Variants in MAP3K20 observed in about 807,000 individuals in gnomAD.
The protein encoded by MAP3K20 is mitogen-activated protein kinase kinase kinase 20, also known as HCCS-4.
MAP3K20 carries 40 observed loss-of-function variants against 85.7 expected under a neutral mutation model. The ratio of observed to expected loss-of-function variants is 0.47; its 90% CI spans 0.36 to 0.61. The LOEUF is 0.61. MAP3K20 is among the 20% of genes least tolerant of loss of function. The pLI is 0.00. For synonymous variants in MAP3K20, 325 were observed against 327.7 expected (o/e 0.99, Z 0.09); for missense variants, 817 against 961.7 (o/e 0.85, Z 1.99).
chr2:173,146,339 A>G lies in MAP3K20; in HGVS notation c.160-23466A>G, dbSNP rs528474893. 6.6e-5 allele frequency among the ~76,000 whole-genome samples: 10 copies of G among 152,280 alleles called. No individual in the cohort carries two copies. The South Asian group carries it at 1.9e-3, about 28-fold the overall frequency. On this transcript the variant is annotated intron_variant, in intron 2 of 19. Coordinates refer to ENST00000375213, the MANE Select transcript of MAP3K20 (RefSeq NM_016653.3). ...CAAATGTGTGTGTTTGTATACATGCATACATGCACATATACAGTGTACATG... is the reference window on the plus strand; with the variant it reads ...CAAATGTGTGTGTTTGTATACATGCGTACATGCACATATACAGTGTACATG...
intron 14 of MAP3K20, among the ~76,000 whole-genome samples, chr2:173,236,109 T>G (rs1684641035): frequency 1.3e-5 from 2 of 151,326 alleles, no homozygotes; most frequent in African/African-American, 4.9e-5. Context: ...CTGCAAAAAA[T>G]GCAAAAATTA....
intron 2 of MAP3K20, among the ~76,000 whole-genome samples, chr2:173,139,741 T>C (rs1688912292): frequency 6.6e-6 from 1 of 152,198 alleles, no homozygotes; most frequent in Admixed American, 6.5e-5. Context: ...CCAATATGGA[T>C]ATAGTTAGTA....
At chr2:173,094,705 A>G (rs749770992) in intron 2 of MAP3K20, among the ~76,000 whole-genome samples, 2 of 152,092 alleles carry the variant, frequency 1.3e-5, no homozygotes, top group Non-Finnish European at 1.5e-5. Context: ...GAGTTTATGT[A>G]GTTTTGGCAG....
At chr2:173,211,573 T>C (rs1192001191) in intron 10 of MAP3K20, 2 of 152,196 alleles carry the variant, frequency 1.3e-5, no homozygotes, top group African/African-American at 2.4e-5. Context: ...GGTTCCACTT[T>C]ATGTGCTCTG....
In MAP3K20 at chr2:173,198,821, G is replaced by A. The variant is rs1314581671; in HGVS notation, c.669+709G>A. On this transcript the variant is annotated intron_variant, in intron 8 of 19. Coordinates refer to ENST00000375213, the MANE Select transcript of MAP3K20 (RefSeq NM_016653.3). This position sits in a 1 kb window ranked among gnomAD's most constrained non-coding sequence, Gnocchi z 5.8. ...GAGGCTTTCAGTTAGTTGGACCTAT[G>A]AGCCTACATCAGAGAACATGGTACA... The A allele has an allele frequency of 6.6e-6, 1 of 152,586 alleles. No homozygotes were observed. The highest frequency in any genetic ancestry group is 1.5e-5 in the Non-Finnish European group (1 of 68,038). 9.5% of individuals were successfully genotyped at this position (152,586 alleles called of 1,614,324 possible). A position where few individuals can be genotyped will look rare whatever the true frequency, so the allele number is the denominator to read the frequency against.
chr2:173,213,085 G>A (rs1270773023), intron 10 of MAP3K20, among the ~76,000 whole-genome samples: 3 of 151,996 alleles, frequency 2.0e-5, no homozygotes, highest in Non-Finnish European at 4.4e-5. Context: ...TGTACACAGA[G>A]AAAAGTATCA....
intron 2 of MAP3K20, chr2:173,166,621 TA>T (rs1333718830): frequency 6.9e-6 from 1 of 144,208 alleles, no homozygotes; most frequent in Non-Finnish European, 1.5e-5. Context: ...ATAAAATCAA[TA>T]CAGTTTAAAT....
chr2:173,139,689 T>C (rs1297039210), intron 2 of MAP3K20, among the ~76,000 whole-genome samples: 1 of 152,120 alleles, frequency 6.6e-6, no homozygotes, highest in Non-Finnish European at 1.5e-5. Context: ...TGGAATCTCT[T>C]CCAAAAATAA....
chr2:173,223,752 C>T, intron 11 of MAP3K20: 3 of 985,422 alleles, frequency 3.0e-6, no homozygotes, highest in Non-Finnish European at 3.6e-6. Flanking sequence ...GTTTCTCTGT[C>T]TATTCACACA....
chr2:173,195,849 C>T (rs1283733388), intron 7 of MAP3K20, among the ~76,000 whole-genome samples: 1 of 152,150 alleles, frequency 6.6e-6, no homozygotes, highest in East Asian at 1.9e-4. Flanking sequence ...TGTAGTAGCT[C>T]TTCAGAGACA....
intron 2 of MAP3K20, among the ~76,000 whole-genome samples, chr2:173,148,875 T>C (rs1689215042): frequency 6.6e-6 from 1 of 152,226 alleles, no homozygotes; most frequent in African/African-American, 2.4e-5. Context: ...GGTCCTGAGG[T>C]TCCATTAATA....
intron 2 of MAP3K20, among the ~76,000 whole-genome samples, chr2:173,131,965 G>C (rs1461376705): frequency 6.6e-6 from 1 of 152,162 alleles, no homozygotes; most frequent in African/African-American, 2.4e-5. Context: ...ACTCTCCCCA[G>C]ATAAATTCTC....
intron 2 of MAP3K20, among the ~76,000 whole-genome samples, chr2:173,095,554 C>G (rs1309817977): frequency 6.6e-6 from 1 of 152,104 alleles, no homozygotes; most frequent in Non-Finnish European, 1.5e-5. Flanking sequence ...AATTGGTAAA[C>G]CTTTCTGGAG....
At position 173,229,751 on chromosome 2, in the gene MAP3K20, A is replaced by G. The variant is rs1451631396; in HGVS notation, c.1032+18A>G. 1.9e-6 allele frequency: 3 copies of G among 1,613,714 alleles called. No individual in the cohort carries two copies. The highest frequency in any genetic ancestry group is 2.7e-5 in the African/African-American group (2 of 74,858). Reference sequence around the variant, plus strand: ...ACGATGTGGTAAGCTCTTTGTATTCATGCCTTATTTGACTTGAGCAGGTAT... The same window carrying G: ...ACGATGTGGTAAGCTCTTTGTATTCGTGCCTTATTTGACTTGAGCAGGTAT... On this transcript the variant is annotated intron_variant, in intron 12 of 19. Coordinates refer to ENST00000375213, the MANE Select transcript of MAP3K20 (RefSeq NM_016653.3).
At chr2:173,150,708 G>A (rs912461286) in intron 2 of MAP3K20, among the ~76,000 whole-genome samples, 2 of 152,112 alleles carry the variant, frequency 1.3e-5, no homozygotes, top group African/African-American at 2.4e-5. Flanking sequence ...TGGGATTACA[G>A]GCACACACCA....
chr2:173,221,864 CT>C (rs1396556301), intron 11 of MAP3K20: 2 of 1,005,654 alleles, frequency 2.0e-6, no homozygotes, highest in African/African-American at 3.4e-5. Flanking sequence ...TTGTATTTGA[CT>C]TTATTTCCTT....
intron 17 of MAP3K20, 143 bp from the exon 18 acceptor site, chr2:173,260,920 T>G: frequency 8.0e-5 from 52 of 652,696 alleles, no homozygotes; most frequent in Non-Finnish European, 1.3e-4. Flanking sequence ...AGTGATCACA[T>G]GAGAACCAAC....
intron 2 of MAP3K20, among the ~76,000 whole-genome samples, chr2:173,130,965 G>A (rs1688603587): frequency 6.6e-6 from 1 of 152,224 alleles, no homozygotes; most frequent in African/African-American, 2.4e-5. Context: ...AGAACAGATT[G>A]TGACTTGTCT....
chr2:173,252,356 G>C (rs888071151), intron 16 of MAP3K20, among the ~76,000 whole-genome samples: 1 of 152,192 alleles, frequency 6.6e-6, no homozygotes, highest in Non-Finnish European at 1.5e-5. Flanking sequence ...TCTTAATTCA[G>C]AAAATTTTTT....
Sources: allele counts gnomAD v4.1 joint callset (sites outside exome capture counted in the v4.1 genomes callset), GRCh38; gene constraint gnomAD v4.1.1; non-coding constraint Gnocchi (gnomAD v3.1); transcripts MANE v1.5; gene names NCBI Gene and HGNC (gene_info 2026-07-23, HGNC 2026-07-21).